ARHGAP21: variants seen among roughly 807,000 people sequenced by gnomAD.
ARHGAP21 encodes the protein Rho GTPase activating protein 21, also known as rho GTPase-activating protein 21.
ARHGAP21 carries 38 observed loss-of-function variants against 164.6 expected under a neutral mutation model. The observed-to-expected ratio is 0.23, with a 90% CI of 0.18 to 0.30. The LOEUF (loss-of-function observed/expected upper bound fraction) is 0.30. Among genes scored for constraint, ARHGAP21 ranks in the 10% least tolerant of loss-of-function variants. The pLI is 1.00. For synonymous variants in ARHGAP21, 766 were observed against 857.9 expected (o/e 0.89, Z 1.87); for missense variants, 1,822 against 2,370.7 (o/e 0.77, Z 4.81).
Position 24,628,065 on chromosome 10 carries a change from C to CTTCT in ARHGAP21, c.495+1927_495+1930dup, listed in dbSNP as rs528380921. Among the ~76,000 whole-genome samples the CTTCT allele has an allele frequency of 1.6e-3, 250 of 152,342 alleles. 1 individual carries two copies. The highest frequency in any genetic ancestry group is 5.6e-3 in the African/African-American group (231 of 41,582). Reference sequence around the variant, plus strand: ...AATCCTTCGCTACCATATACACCATCTTCTGTATAAGAAGAGCACTAGAGA... The same window carrying CTTCT: ...AATCCTTCGCTACCATATACACCATCTTCTTTCTGTATAAGAAGAGCACTAGAGA... On this transcript the variant is annotated intron_variant, in intron 7 of 25. Coordinates refer to ENST00000396432, the MANE Select transcript of ARHGAP21 (RefSeq NM_020824.4).
intron 4 of ARHGAP21, among the ~76,000 whole-genome samples, chr10:24,646,563 G>C (rs1000255084): frequency 6.6e-6 from 1 of 152,120 alleles, no homozygotes; most frequent in Non-Finnish European, 1.5e-5. Flanking sequence ...AGTGAGCTGA[G>C]ATTGTACCAC....
In ARHGAP21 at chr10:24,624,999, C is replaced by G. The variant is rs1179684511; in HGVS notation, c.496-2237G>C. 4.6e-5 allele frequency among the ~76,000 whole-genome samples: 6 copies of G among 130,296 alleles called. No homozygotes were observed. In the East Asian group the frequency reaches 1.4e-3, roughly 30 times the overall value. The allele number at this position is 130,296 out of a possible 152,430, so 85.5% of individuals were successfully genotyped here. A position where few individuals can be genotyped will look rare whatever the true frequency, so the allele number is the denominator to read the frequency against. On this transcript the variant is annotated intron_variant, in intron 7 of 25. Transcript: ENST00000396432. ...ACAGCTTGTATTTTAAAAACTGAAGCCTTCCCTAACAGCCCTGTTTTGCCT... is the reference window on the plus strand; with the variant it reads ...ACAGCTTGTATTTTAAAAACTGAAGGCTTCCCTAACAGCCCTGTTTTGCCT...
At chr10:24,672,842 A>T (rs544186753) in intron 2 of ARHGAP21, among the ~76,000 whole-genome samples, 1 of 152,320 alleles carries the variant, frequency 6.6e-6, no homozygotes, top group South Asian at 2.1e-4. Flanking sequence ...ATGGAATGTT[A>T]ATGAAAGTAA....
rs117775857 is a variant in ARHGAP21 at position 24,602,977 on chromosome 10, A to G, written c.2722-874T>C. 1.6e-3 allele frequency among the ~76,000 whole-genome samples: 237 copies of G among 152,252 alleles called. 5 individuals carry two copies. In the East Asian group the frequency reaches 0.039, roughly 25 times the overall value. The stretch of plus-strand genomic sequence containing the variant: ...GATGGGGAAAACTAAGGGATAAGGA[A>G]GTCTGGGGGTAACTGCGGTCTAATC... On this transcript the variant is annotated intron_variant, in intron 12 of 25. Coordinates refer to ENST00000396432, the MANE Select transcript of ARHGAP21 (RefSeq NM_020824.4).
intron 2 of ARHGAP21, among the ~76,000 whole-genome samples, chr10:24,689,822 G>GTA (rs1418327252): frequency 6.9e-6 from 1 of 144,006 alleles, no homozygotes; most frequent in Non-Finnish European, 1.5e-5. Flanking sequence ...GTATATATAT[G>GTA]TATATATGTA....
At chr10:24,688,294 G>C (rs1410994847) in intron 2 of ARHGAP21, among the ~76,000 whole-genome samples, 1 of 152,218 alleles carries the variant, frequency 6.6e-6, no homozygotes, top group Admixed American at 6.5e-5. Flanking sequence ...CAGGAGGCTG[G>C]GGCAGGAGAA....
Position 24,633,883 on chromosome 10 carries a change from CT to C in ARHGAP21, c.362-404del, listed in dbSNP as rs3073324. On this transcript the variant is annotated intron_variant, in intron 5 of 25. Coordinates refer to ENST00000396432, the MANE Select transcript of ARHGAP21 (RefSeq NM_020824.4). The stretch of plus-strand genomic sequence containing the variant: ...CTCCACGTACCCTGTCTTTTTTTCT[CT>C]TTTTTTTTTTTTTTTTTTTTTTTTT... Among the ~76,000 whole-genome samples the C allele has an allele frequency of 7.0e-3, 527 of 75,476 alleles. 1 individual carries two copies. The highest frequency in any genetic ancestry group is 0.02 in the African/African-American group (399 of 19,732). 49.5% of individuals were successfully genotyped at this position (75,476 alleles called of 152,430 possible).
intron 2 of ARHGAP21, among the ~76,000 whole-genome samples, chr10:24,718,251 A>G (rs1473362996): frequency 1.3e-5 from 2 of 152,210 alleles, no homozygotes; most frequent in Non-Finnish European, 2.9e-5. Flanking sequence ...GTGCACAGGA[A>G]GAGGGAGAGT....
intron 25 of ARHGAP21, among the ~76,000 whole-genome samples, chr10:24,588,293 A>G (rs1024690785): frequency 1.4e-5 from 2 of 138,506 alleles, no homozygotes; most frequent in African/African-American, 5.1e-5. Flanking sequence ...TGTTATCTCT[A>G]CAAGTAACTA....
intron 4 of ARHGAP21, among the ~76,000 whole-genome samples, chr10:24,651,561 G>C (rs1838161500): frequency 6.6e-6 from 1 of 152,192 alleles, no homozygotes; most frequent in Admixed American, 6.5e-5. Flanking sequence ...TCCTTGAGCA[G>C]AGATGCAAAA....
At chr10:24,648,757 C>T in intron 4 of ARHGAP21, 12 of 919,476 alleles carry the variant, frequency 1.3e-5, no homozygotes, top group Non-Finnish European at 1.5e-5. Context: ...CCAGCCTAAG[C>T]AATAAGAGCA....
chr10:24,672,034 T>C (rs1054909329), intron 2 of ARHGAP21, among the ~76,000 whole-genome samples: 4 of 151,630 alleles, frequency 2.6e-5, no homozygotes, highest in African/African-American at 7.3e-5. Context: ...TTGGCCAAAA[T>C]CCTCTCTTGA....
chr10:24,693,361 G>C (rs994807655), intron 2 of ARHGAP21, among the ~76,000 whole-genome samples: 1 of 150,672 alleles, frequency 6.6e-6, no homozygotes, highest in Non-Finnish European at 1.5e-5. Context: ...TTGAGACAGA[G>C]TTTTGCTCTT....
At chr10:24,676,484 T>C (rs761787977) in intron 2 of ARHGAP21, among the ~76,000 whole-genome samples, 1 of 152,026 alleles carries the variant, frequency 6.6e-6, no homozygotes, top group Non-Finnish European at 1.5e-5. Flanking sequence ...AGTTAAACAA[T>C]GGGTACACAT....
intron 2 of ARHGAP21, among the ~76,000 whole-genome samples, chr10:24,708,096 T>C (rs1346783416): frequency 6.6e-6 from 1 of 152,196 alleles, no homozygotes; most frequent in Non-Finnish European, 1.5e-5. Context: ...GGTTAAACAA[T>C]GCTGCTGCTG....
Position 24,585,097 on chromosome 10 carries a change from G to A in ARHGAP21, c.5192C>T (p.Thr1731Ile). Reference protein sequence around the residue: ...AKNEKEAPSLTKVFDVMKKGK... With the variant: ...AKNEKEAPSLIKVFDVMKKGK... ...TTTTTTCATAACATCAAACACTTTA[G>A]TTAACGAAGGTGCTTCTTTCTCATT... is the stretch of plus-strand genomic sequence containing the variant. Residue 1731 changes from threonine (T) to isoleucine (I), a missense_variant, in exon 26 of 26, where the codon ACT becomes ATT. Transcript: ENST00000396432. The A allele has an allele frequency of 1.2e-6, 2 of 1,613,692 alleles. No individual in the cohort carries two copies. The highest frequency in any genetic ancestry group is 8.5e-7 in the Non-Finnish European group (1 of 1,179,832).
chr10:24,645,750 G>A (rs1465272237), intron 4 of ARHGAP21, among the ~76,000 whole-genome samples: 1 of 152,192 alleles, frequency 6.6e-6, no homozygotes, highest in East Asian at 1.9e-4. Flanking sequence ...GCCAGGAACT[G>A]TTCTGGGCTT....
rs958144445 is a variant in ARHGAP21 at position 24,692,234 on chromosome 10, T to C, written c.64-21837A>G. Among the ~76,000 whole-genome samples, 6 of 152,152 alleles carry C rather than the reference T, an allele frequency of 3.9e-5. No individual in the cohort carries two copies. The East Asian group carries it at 1.2e-3, about 29-fold the overall frequency. On this transcript the variant is annotated intron_variant, in intron 2 of 25. Transcript: ENST00000396432. Reference sequence around the variant, plus strand: ...CCTGTAAGGTGCCAGTGGAGATACTTAGCAGTTAAACAAACGAATCTAAGC... The same window carrying C: ...CCTGTAAGGTGCCAGTGGAGATACTCAGCAGTTAAACAAACGAATCTAAGC...
At chr10:24,628,814 TACATATAC>T (rs1468446221) in intron 7 of ARHGAP21, among the ~76,000 whole-genome samples, 31 of 73,102 alleles carry the variant, frequency 4.2e-4, no homozygotes, top group African/African-American at 1.4e-3. Flanking sequence ...TACATATATA[TACATATAC>T]ACACATATAT....
Sources: allele counts gnomAD v4.1 joint callset (sites outside exome capture counted in the v4.1 genomes callset), GRCh38; gene constraint gnomAD v4.1.1; transcripts MANE v1.5; gene names NCBI Gene and HGNC (gene_info 2026-07-23, HGNC 2026-07-21).